Variants in SVIL observed in about 807,000 individuals in gnomAD.
The protein encoded by SVIL is archvillin.
SVIL carries 101 observed loss-of-function variants against 240.4 expected under a neutral mutation model. The ratio of observed to expected loss-of-function variants is 0.42; its 90% CI spans 0.36 to 0.50. SVIL has a LOEUF of 0.50. Ranked by LOEUF, SVIL falls within the 20% of genes least tolerant of loss-of-function variation. The pLI is 0.01. For missense variants in SVIL, 2,512 were observed against 2,818.7 expected (o/e 0.89, Z 2.46); for synonymous variants, 999 against 1,100.0 (o/e 0.91, Z 1.82).
At chr10:29,509,799 G>A (rs551208977) in intron 17 of SVIL, among the ~76,000 whole-genome samples, 5 of 152,246 alleles carry the variant, frequency 3.3e-5, no homozygotes, top group Non-Finnish European at 5.9e-5. Flanking sequence ...GCGGTGAGCC[G>A]AGATTGTGCC....
Position 29,499,057 on chromosome 10 carries a change from A to G in SVIL, c.3664+59T>C, listed in dbSNP as rs7897960. 0.016 allele frequency: 25,023 copies of G among 1,581,624 alleles called. 1,321 individuals carry two copies. The highest frequency in any genetic ancestry group is 0.15 in the African/African-American group (10,826 of 74,086). ...CGTACCACCATGCCCTCCATGGGTA[A>G]GTGTGCTCACGTGTGTGCATTGTGC... On this transcript the variant is annotated intron_variant, in intron 18 of 37. Transcript: ENST00000355867.
chr10:29,607,040 C>T (rs1445800249), intron 1 of SVIL, among the ~76,000 whole-genome samples: 1 of 152,210 alleles, frequency 6.6e-6, no homozygotes, highest in Non-Finnish European at 1.5e-5. Context: ...CAGGCATGAG[C>T]CACTATGCCT....
chr10:29,681,283 T>G (rs1960622079), intron 2 of SVIL, among the ~76,000 whole-genome samples: 1 of 150,500 alleles, frequency 6.6e-6, no homozygotes, highest in Non-Finnish European at 1.5e-5. Flanking sequence ...GGATGAGAAG[T>G]CAGCAGAAAG....
At chr10:29,534,964 G>C (rs1174943791) in intron 7 of SVIL, among the ~76,000 whole-genome samples, 1 of 152,160 alleles carries the variant, frequency 6.6e-6, no homozygotes, top group Admixed American at 6.5e-5. Flanking sequence ...GAGGGCTTTT[G>C]GAGTGGGAAA....
chr10:29,617,105 TC>T (rs1235620367), intron 1 of SVIL, among the ~76,000 whole-genome samples: 1 of 152,036 alleles, frequency 6.6e-6, no homozygotes, highest in African/African-American at 2.4e-5. Context: ...TCCCCTAGTT[TC>T]CCCCGTGTAT....
chr10:29,634,712 A>C lies in SVIL; in HGVS notation c.-493T>G, dbSNP rs1435976314. 1 of 152,230 alleles carries C rather than the reference A, an allele frequency of 6.6e-6. No homozygotes were observed. The highest frequency in any genetic ancestry group is 2.4e-5 in the African/African-American group (1 of 41,460). The allele number at this position is 152,230 out of a possible 1,614,324, so 9.4% of individuals were successfully genotyped here. A position where few individuals can be genotyped will look rare whatever the true frequency, so the allele number is the denominator to read the frequency against. On this transcript the variant is annotated 5_prime_UTR_variant, in exon 1 of 38. Transcript: ENST00000355867. The stretch of plus-strand genomic sequence containing the variant: ...AGAAGCGATGATGATTCAGAACAGG[A>C]TAAATTTAGAATGGTGTTTTCCAAA...
intron 29 of SVIL, among the ~76,000 whole-genome samples, chr10:29,476,575 T>A (rs904381710): frequency 1.3e-4 from 19 of 151,958 alleles, no homozygotes; most frequent in Non-Finnish European, 2.4e-4. Context: ...GCTCATTTTT[T>A]ATTTTTTTGT....
At chr10:29,466,340 GCTAT>G (rs1435319331) in intron 33 of SVIL, among the ~76,000 whole-genome samples, 3 of 152,002 alleles carry the variant, frequency 2.0e-5, no homozygotes, top group African/African-American at 4.8e-5. Context: ...ACAATGCTTA[GCTAT>G]CTGTCTCCTT....
rs566024655 is a variant in SVIL, at chr10:29,661,098, C to T, written c.-300-3030G>A. 2.8e-5 allele frequency among the ~76,000 whole-genome samples: 4 copies of T among 141,806 alleles called. No individual in the cohort carries two copies. In the South Asian group the frequency reaches 6.6e-4, roughly 23 times the overall value. The allele number at this position is 141,806 out of a possible 152,430, so 93.0% of individuals were successfully genotyped here. On this transcript the variant is annotated intron_variant, in intron 2 of 35. Transcript: ENST00000375400. Reference sequence around the variant, plus strand: ...AGGAGAATCGCTTGAACCAGGGAGTCGGAGGTTGCAGTGAGCCGAGATTGC... The same window carrying T: ...AGGAGAATCGCTTGAACCAGGGAGTTGGAGGTTGCAGTGAGCCGAGATTGC...
intron 1 of SVIL, among the ~76,000 whole-genome samples, chr10:29,628,578 C>T (rs989475394): frequency 6.6e-6 from 1 of 152,194 alleles, no homozygotes; most frequent in East Asian, 1.9e-4. Flanking sequence ...GTTCACAAAT[C>T]GTAGGTGCAT....
intron 3 of SVIL, among the ~76,000 whole-genome samples, chr10:29,652,417 T>C (rs1453468547): frequency 2.0e-5 from 3 of 152,248 alleles, no homozygotes; most frequent in Non-Finnish European, 4.4e-5. Flanking sequence ...TTTTACTGTA[T>C]GGATATACCA....
Position 29,486,112 on chromosome 10 carries a change from C to T in SVIL, c.4752G>A (p.Pro1584=), listed in dbSNP as rs367859141. ...VPDDDYWGKI[P]KCSLLQPKEV... Reference sequence around the variant, plus strand: ...CTTTGGGTTGCAGAAGGGAGCACTTCGGAATTTTCCCCCAGTAGTCGTCAT... The same window carrying T: ...CTTTGGGTTGCAGAAGGGAGCACTTTGGAATTTTCCCCCAGTAGTCGTCAT... The change falls in exon 26 of 38, where the codon CCG becomes CCA. Residue 1584 remains proline (P), a synonymous_variant. Coordinates refer to ENST00000355867, the MANE Select transcript of SVIL (RefSeq NM_021738.3). The T allele has an allele frequency of 4.3e-5, 70 of 1,614,144 alleles. 1 individual carries two copies. Among genetic ancestry groups the T allele is most frequent in the African/African-American group, 1.1e-4 (8 of 75,018 alleles).
chr10:29,674,802 T>G (rs1960074765), intron 2 of SVIL, among the ~76,000 whole-genome samples: 1 of 152,218 alleles, frequency 6.6e-6, no homozygotes, highest in Non-Finnish European at 1.5e-5. Flanking sequence ...TTCTTGCCTT[T>G]TCCAGCTTCT....
chr10:29,545,067 C>T (rs372145501), intron 6 of SVIL: 40 of 534,620 alleles, frequency 7.5e-5, no homozygotes, highest in South Asian at 3.2e-4. Context: ...CTAGTGGACA[C>T]GAGAGCGTGG....
At chr10:29,587,279 CT>C (rs1956209932) in intron 1 of SVIL, among the ~76,000 whole-genome samples, 1 of 152,252 alleles carries the variant, frequency 6.6e-6, no homozygotes, top group African/African-American at 2.4e-5. Context: ...TAGGCCACGT[CT>C]CCGGGGCTCG....
upstream of SVIL, among the ~76,000 whole-genome samples, chr10:29,636,685 G>A (rs968595862): frequency 6.6e-6 from 1 of 152,158 alleles, no homozygotes; most frequent in African/African-American, 2.4e-5. Flanking sequence ...TCTTTCCAAT[G>A]ATGATAATCA....
At chr10:29,509,265 T>G (rs73596036) in intron 17 of SVIL, among the ~76,000 whole-genome samples, 7,421 of 129,748 alleles carry the variant, frequency 0.057, 575 homozygotes, top group African/African-American at 0.18. Flanking sequence ...TGAAAGATAA[T>G]AAGGGCAGCA....
At chr10:29,639,031 G>A (rs2132974678), upstream of SVIL, among the ~76,000 whole-genome samples, 2 of 152,310 alleles carry the variant, frequency 1.3e-5, no homozygotes, top group Middle Eastern at 3.4e-3. Context: ...TTGGGCTTAT[G>A]TGATCCTCCT....
At chr10:29,464,069 C>A (rs1028123086) in intron 34 of SVIL, among the ~76,000 whole-genome samples, 5 of 152,200 alleles carry the variant, frequency 3.3e-5, no homozygotes, top group African/African-American at 1.2e-4. Flanking sequence ...AGGTCAGTGG[C>A]GTTCCTGCCC....
Sources: allele counts gnomAD v4.1 joint callset (sites outside exome capture counted in the v4.1 genomes callset), GRCh38; gene constraint gnomAD v4.1.1; transcripts MANE v1.5; gene names NCBI Gene and HGNC (gene_info 2026-07-23, HGNC 2026-07-21).